The following TBC1D10C variants were observed in gnomAD, a reference collection of about 807,000 sequenced individuals.
The protein encoded by TBC1D10C is TBC1 domain family member 10C, also known as carabin.
TBC1D10C carries 49 observed loss-of-function variants against 51.0 expected under a neutral mutation model. The ratio of observed to expected loss-of-function variants is 0.96; its 90% CI spans 0.76 to 1.22. The LOEUF is 1.22. Among genes scored for constraint, TBC1D10C ranks in the 50% most tolerant of loss-of-function variants. TBC1D10C has a pLI of 0.00. For synonymous variants in TBC1D10C, 281 were observed against 266.7 expected, an observed-to-expected ratio of 1.05 and a Z score of -0.52; for missense variants, 541 against 617.5, an observed-to-expected ratio of 0.88 and a Z score of 1.31.
chr11:67,404,271 G>A lies in TBC1D10C; in HGVS notation c.69G>A (p.Gly23=). ...TGCAGGATGACTCCAGCTCCTTGGG[G>A]TCCGACTCAGAGCTCAGCGGGCCTG... ...PELQDDSSSL[G]SDSELSGPGP... Residue 23 remains glycine, a synonymous_variant, in exon 1 of 9, where the codon GGG becomes GGA. Transcript: ENST00000542590. The A allele has an allele frequency of 6.2e-7, 1 of 1,604,542 alleles. No homozygotes were observed. Among genetic ancestry groups the A allele is most frequent in the Non-Finnish European group, 8.5e-7 (1 of 1,173,662 alleles).
chr11:67,405,991 G>T lies in TBC1D10C; in HGVS notation c.556G>T (p.Val186Leu). The T allele has an allele frequency of 6.2e-7, 1 of 1,602,092 alleles. No homozygotes were observed. Among genetic ancestry groups the T allele is most frequent in the Non-Finnish European group, 8.5e-7 (1 of 1,175,702 alleles). Residue 186 changes from valine (V) to leucine (L), a missense_variant, in exon 5 of 9, where the codon GTG becomes TTG. By Grantham distance (32) the Val-to-Leu change is conservative (BLOSUM62 1). Coordinates refer to ENST00000542590, the MANE Select transcript of TBC1D10C (RefSeq NM_001369496.1). ...YCQAQGPVAAVLLMHLPPEEA... is the reference protein window; with the variant it reads ...YCQAQGPVAALLLMHLPPEEA... ...CCAGGCCCAGGGGCCCGTGGCTGCT[G>T]TGCTGCTCATGCACCTGCCCCCAGA...
chr11:67,405,593 A>G lies in TBC1D10C; in HGVS notation c.361-2A>G. ...CACACCCACCTTCCTGGCTACCCAC[A>G]GGAGCTGGCAGAGGCCCCTGGAGAC... On this transcript the variant is annotated splice_acceptor_variant, in intron 3 of 8. Transcript: ENST00000542590. LOFTEE classifies it high-confidence loss of function. 1.2e-6 allele frequency: 2 copies of G among 1,613,992 alleles called. No individual in the cohort carries two copies. The highest frequency in any genetic ancestry group is 1.7e-6 in the Non-Finnish European group (2 of 1,179,996).
At chr11:67,407,189 T>G in intron 7 of TBC1D10C, 173 bp downstream of exon 7, 1 of 813,546 alleles carries the variant, frequency 1.2e-6, no homozygotes. Context: ...AGGCACCGCC[T>G]GGTGCAGAGC....
At chr11:67,405,831 G>A in intron 4 of TBC1D10C, 72 bp from the exon 5 acceptor site, 1 of 1,542,752 alleles carries the variant, frequency 6.5e-7, no homozygotes, top group Non-Finnish European at 8.8e-7. Flanking sequence ...GCTGAGGCCT[G>A]GGCAGAGGCC....
At chr11:67,406,085 C>T in intron 5 of TBC1D10C, 68 bp downstream of exon 5, 1 of 1,344,324 alleles carries the variant, frequency 7.4e-7, no homozygotes. Flanking sequence ...TCCCCAGGAA[C>T]TGTGGCCTCA....
At position 67,405,148 on chromosome 11, in the gene TBC1D10C, G is replaced by C. The variant is rs1477972673; in HGVS notation, c.216G>C (p.Ser72=). The stretch of plus-strand genomic sequence containing the variant: ...AGATGAAGTGGGTGGAGATGACCTC[G>C]CACTGGGAGAAAACCATGTCCCGGC... ...QREMKWVEMT[S]HWEKTMSRRY... is the part of the protein sequence containing the mutation. The change falls in exon 2 of 9, where the codon TCG becomes TCC. Residue 72 remains serine (S), a synonymous_variant. Transcript: ENST00000542590. 6.4e-7 allele frequency: 1 copy of C among 1,551,522 alleles called. No homozygotes were observed. The highest frequency in any genetic ancestry group is 2.0e-5 in the Admixed American group (1 of 51,012).
rs761636938 is a variant in TBC1D10C at position 67,405,946 on chromosome 11, C to T, written c.511C>T (p.Arg171Ter). The change falls in exon 5 of 9, where the codon CGA becomes TGA. Residue 171 changes from arginine to a stop codon, truncating the protein, a stop_gained. Coordinates refer to ENST00000542590, the MANE Select transcript of TBC1D10C (RefSeq NM_001369496.1). LOFTEE classifies it high-confidence loss of function. Reference protein sequence around the residue: ...LQVLKAYTLYRPEQGYCQAQG... With the variant: ...LQVLKAYTLY The stretch of plus-strand genomic sequence containing the variant: ...GGTGCTCAAGGCCTACACCCTGTAT[C>T]GACCGGAGCAGGGCTACTGCCAGGC... 1.1e-5 allele frequency: 17 copies of T among 1,606,104 alleles called. No homozygotes were observed. The highest frequency in any genetic ancestry group is 1.3e-5 in the African/African-American group (1 of 74,798).
Position 67,409,470 on chromosome 11 carries a change from C to A in TBC1D10C, c.1057C>A (p.Leu353Met). The change falls in exon 9 of 9, where the codon CTG (leucine) becomes ATG (methionine). Residue 353 changes from leucine (L) to methionine (M), a missense_variant. Leu to Met is a conservative substitution (Grantham distance 15). Coordinates refer to ENST00000542590, the MANE Select transcript of TBC1D10C (RefSeq NM_001369496.1). ...QREIKAQLAQ[L>M]PDSAPGPPPR... ...GGAGATCAAGGCCCAGCTGGCCCAG[C>A]TGCCCGATTCCGCGCCGGGACCCCC... is the stretch of plus-strand genomic sequence containing the variant. 1 of 1,548,980 alleles carries A rather than the reference C, an allele frequency of 6.5e-7. No homozygotes were observed. The highest frequency in any genetic ancestry group is 1.2e-5 in the South Asian group (1 of 84,006).
At chr11:67,408,097 C>T (rs1194550709) in intron 7 of TBC1D10C, 1 of 152,278 alleles carries the variant, frequency 6.6e-6, no homozygotes, top group African/African-American at 2.4e-5. Context: ...ATTGTTCCTA[C>T]CATCATCACT....
rs1487265239 is a variant in TBC1D10C at position 67,405,994 on chromosome 11, C to T, written c.559C>T (p.Leu187=). ...CQAQGPVAAV[L]LMHLPPEEAF... ...GGCCCAGGGGCCCGTGGCTGCTGTGCTGCTCATGCACCTGCCCCCAGAGGT... is the reference window on the plus strand; with the variant it reads ...GGCCCAGGGGCCCGTGGCTGCTGTGTTGCTCATGCACCTGCCCCCAGAGGT... The change falls in exon 5 of 9, where the codon CTG becomes TTG. Residue 187 remains leucine (L), a synonymous_variant. Coordinates refer to ENST00000542590, the MANE Select transcript of TBC1D10C (RefSeq NM_001369496.1). 3 of 1,601,592 alleles carry T rather than the reference C, an allele frequency of 1.9e-6. No homozygotes were observed. Among genetic ancestry groups the T allele is most frequent in the South Asian group, 1.1e-5 (1 of 89,608 alleles).
chr11:67,407,778 T>A (rs1863247794), intron 7 of TBC1D10C: 1 of 152,342 alleles, frequency 6.6e-6, no homozygotes, highest in Non-Finnish European at 1.5e-5. Context: ...ACCTGCATTC[T>A]GTTCTATATG....
Position 67,406,672 on chromosome 11 carries a change from G to C in TBC1D10C, c.628G>C (p.Gly210Arg). Reference sequence around the variant, plus strand: ...GCAGATCTGTGAGGTCTACCTCCCTGGGTACTACGGGCCCCACATGGTGAG... The same window carrying C: ...GCAGATCTGTGAGGTCTACCTCCCTCGGTACTACGGGCCCCACATGGTGAG... ...LVQICEVYLP[G>R]YYGPHMEAVR... The change falls in exon 6 of 9, where the codon GGG becomes CGG. Residue 210 changes from glycine to arginine, a missense_variant. Transcript: ENST00000542590. 6.3e-7 allele frequency: 1 copy of C among 1,577,298 alleles called. No homozygotes were observed. Among genetic ancestry groups the C allele is most frequent in the Non-Finnish European group, 8.6e-7 (1 of 1,161,024 alleles).
intron 7 of TBC1D10C, 170 bp downstream of exon 7, chr11:67,407,186 G>A (rs1333104692): frequency 2.7e-5 from 22 of 822,308 alleles, no homozygotes; most frequent in East Asian, 1.3e-4. Flanking sequence ...CCCAGGCACC[G>A]CCTGGTGCAG....
rs774200189 is a variant in TBC1D10C, at chr11:67,409,594, T to C, written c.1181T>C (p.Ile394Thr). ...RRGAKPEVPR[I>T]VVQPPEEPRP... ...GGCGCCAAGCCTGAGGTGCCTCGGA[T>C]TGTGGTGCAGCCCCCGGAGGAGCCC... The change falls in exon 9 of 9, where the codon ATT becomes ACT. Residue 394 changes from isoleucine (I) to threonine (T), a missense_variant. Transcript: ENST00000542590. The C allele has an allele frequency of 1.9e-6, 3 of 1,550,330 alleles. No homozygotes were observed. The South Asian group carries it at 3.6e-5, about 18-fold the overall frequency.
rs774110416 is a variant in TBC1D10C, at chr11:67,405,945, T to C, written c.510T>C (p.Tyr170=). Residue 170 remains tyrosine, a synonymous_variant, in exon 5 of 9, where the codon TAT becomes TAC. Transcript: ENST00000542590. ...LLQVLKAYTL[Y]RPEQGYCQAQ... Reference sequence around the variant, plus strand: ...AGGTGCTCAAGGCCTACACCCTGTATCGACCGGAGCAGGGCTACTGCCAGG... The same window carrying C: ...AGGTGCTCAAGGCCTACACCCTGTACCGACCGGAGCAGGGCTACTGCCAGG... 3.7e-6 allele frequency: 6 copies of C among 1,606,076 alleles called. No homozygotes were observed. Among genetic ancestry groups the C allele is most frequent in the South Asian group, 1.1e-5 (1 of 89,834 alleles).
Position 67,404,338 on chromosome 11 carries a change from A to G in TBC1D10C, c.136A>G (p.Ser46Gly). The change falls in exon 1 of 9, where the codon AGC becomes GGC. Residue 46 changes from serine (S) to glycine (G), a missense_variant. Ser to Gly is a moderately conservative substitution (Grantham distance 56). Transcript: ENST00000542590. Reference sequence around the variant, plus strand: ...CGACCGCTATGGATTCATTGGGGGCAGCTCAGCAGAGCCAGGGTAAGGGGG... The same window carrying G: ...CGACCGCTATGGATTCATTGGGGGCGGCTCAGCAGAGCCAGGGTAAGGGGG... ...QADRYGFIGGSSAEPGPGHPP... is the reference protein window; with the variant it reads ...QADRYGFIGGGSAEPGPGHPP... The G allele has an allele frequency of 6.3e-7, 1 of 1,586,338 alleles. No individual in the cohort carries two copies. Among genetic ancestry groups the G allele is most frequent in the Non-Finnish European group, 8.6e-7 (1 of 1,161,490 alleles).
chr11:67,405,535 C>T (rs758245544), intron 3 of TBC1D10C, 29 bp downstream of exon 3: 2 of 1,613,572 alleles, frequency 1.2e-6, no homozygotes, highest in Non-Finnish European at 1.7e-6. Context: ...GCCCCAATTC[C>T]CCTACCCAGA....
chr11:67,404,056 T>G, upstream of TBC1D10C: 38 of 979,664 alleles, frequency 3.9e-5, no homozygotes, highest in Non-Finnish European at 4.7e-5. Context: ...CCTGCCCCCA[T>G]AAAAGAGGAG....
chr11:67,405,236 T>C, intron 2 of TBC1D10C, 52 bp downstream of exon 2: 4 of 1,532,832 alleles, frequency 2.6e-6, no homozygotes, highest in Non-Finnish European at 3.5e-6. Context: ...CCTCTCTGCC[T>C]CAGCCCACAT....
Sources: gnomAD v4.1 joint callset for allele counts on GRCh38, gnomAD v4.1.1 for gene constraint, MANE v1.5 for transcripts, NCBI Gene and HGNC (gene_info 2026-07-23, HGNC 2026-07-21) for gene names.